The following ACCSL variants were observed in gnomAD, a reference collection of about 807,000 sequenced individuals.
ACCSL encodes 1-aminocyclopropane-1-carboxylate synthase homolog (inactive) like.
In ACCSL, 55 loss-of-function variants were observed where a neutral mutation model predicts 61.7. That is an observed-to-expected ratio of 0.89 (90% CI 0.72 to 1.12). The LOEUF (loss-of-function observed/expected upper bound fraction) is 1.12. Ranked by LOEUF, ACCSL falls within the 50% of genes most tolerant of loss-of-function variation. ACCSL has a pLI of 0.00. For synonymous variants in ACCSL, 258 were observed against 264.3 expected (o/e 0.98, Z 0.23); for missense variants, 632 against 698.0 (o/e 0.91, Z 1.07).
the ACCSL span, among the ~76,000 whole-genome samples, chr11:43,998,727 GATTCATTCATTATTT>G: frequency 1.3e-5 from 2 of 151,278 alleles, no homozygotes; most frequent in Non-Finnish European, 2.9e-5. Flanking sequence ...CTTCTTCATA[GATTCATTCATTATTT>G]ATTCATTCAT....
At chr11:44,004,664 T>C in the ACCSL span, among the ~76,000 whole-genome samples, 1 of 152,150 alleles carries the variant, frequency 6.6e-6, no homozygotes, top group Admixed American at 6.5e-5. Context: ...AGTGGGTAAA[T>C]GACTCCAGGG....
At chr11:43,950,566 C>A in the ACCSL span, among the ~76,000 whole-genome samples, 3 of 152,224 alleles carry the variant, frequency 2.0e-5, no homozygotes, top group Non-Finnish European at 4.4e-5. Flanking sequence ...TGTATACATC[C>A]CAGATTCTCT....
chr11:43,983,107 GC>G, the ACCSL span, among the ~76,000 whole-genome samples: 1 of 152,160 alleles, frequency 6.6e-6, no homozygotes, highest in Admixed American at 6.5e-5. Context: ...ATCTGAGTGA[GC>G]ATCACAGAGC....
the ACCSL span, among the ~76,000 whole-genome samples, chr11:44,008,626 CTG>C: frequency 6.6e-6 from 1 of 152,254 alleles, no homozygotes; most frequent in Non-Finnish European, 1.5e-5. Flanking sequence ...TATATATGAA[CTG>C]TGTCAACCTG....
the ACCSL span, among the ~76,000 whole-genome samples, chr11:43,993,283 G>A: frequency 1.9e-4 from 29 of 152,238 alleles, no homozygotes; most frequent in Non-Finnish European, 2.8e-4. Flanking sequence ...GTAACTCCGT[G>A]CATCCCATGG....
At chr11:43,957,352 T>G in the ACCSL span, among the ~76,000 whole-genome samples, 384 of 147,930 alleles carry the variant, frequency 2.6e-3, 1 homozygote, top group African/African-American at 9.0e-3. Flanking sequence ...GATTCAAAGA[T>G]TTCCTGATTG....
At chr11:44,029,461 C>T in the ACCSL span, among the ~76,000 whole-genome samples, 2 of 152,214 alleles carry the variant, frequency 1.3e-5, no homozygotes, top group African/African-American at 2.4e-5. Context: ...TACCTATGCA[C>T]CTGCAACAGT....
At chr11:43,933,549 G>A in the ACCSL span, 3 of 166,030 alleles carry the variant, frequency 1.8e-5, no homozygotes, top group African/African-American at 7.1e-5. Context: ...GCCAAAAATT[G>A]TGAGGGATTT....
rs1952668635 is a variant in ACCSL, at chr11:44,055,977, T to C, written c.1140-63T>C. ...ACCTCAAATCTACTTTCCCCTCTTA[T>C]ACCCCAAATCTTCATCAACTATTTC... On this transcript the variant is annotated intron_variant, in intron 9 of 13. Transcript: ENST00000378832. 6 of 1,596,604 alleles carry C rather than the reference T, an allele frequency of 3.8e-6. No individual in the cohort carries two copies. The African/African-American group carries it at 5.4e-5, about 14-fold the overall frequency.
At chr11:44,038,259 G>A in the ACCSL span, among the ~76,000 whole-genome samples, 3 of 151,944 alleles carry the variant, frequency 2.0e-5, no homozygotes, top group Non-Finnish European at 2.9e-5. Flanking sequence ...ATGAGGGAGT[G>A]AGCCAAGCAG....
rs1451547271 is a variant in ACCSL at position 44,048,457 on chromosome 11, G to C, written c.421G>C (p.Asp141His). ...VNRDLSIRGI[D>H]ISVFYQSSFQ... ...CCGCGACCTATCCATCCGTGGGATT[G>C]ACATCTCTGTCTTTTATCAGTCGAG... The change falls in exon 1 of 14, where the codon GAC (aspartate) becomes CAC (histidine). Residue 141 changes from aspartate to histidine, a missense_variant. Coordinates refer to ENST00000378832, the MANE Select transcript of ACCSL (RefSeq NM_001031854.2). 13 of 1,613,042 alleles carry C rather than the reference G, an allele frequency of 8.1e-6. No individual in the cohort carries two copies. Among genetic ancestry groups the C allele is most frequent in the African/African-American group, 2.7e-5 (2 of 74,606 alleles).
Position 44,048,556 on chromosome 11 carries a change from G to A in ACCSL, c.504+16G>A, listed in dbSNP as rs1322583178. 6.1e-5 allele frequency: 14 copies of A among 229,732 alleles called. No individual in the cohort carries two copies. Among genetic ancestry groups the A allele is most frequent in the Non-Finnish European group, 1.1e-4 (14 of 133,028 alleles). 14.2% of individuals were successfully genotyped at this position (229,732 alleles called of 1,614,324 possible). On this transcript the variant is annotated intron_variant, in intron 1 of 13. Coordinates refer to ENST00000378832, the MANE Select transcript of ACCSL (RefSeq NM_001031854.2). ...GAACACCTTGGTGAGAATTTGGGGT[G>A]GGGGGTGGGCAGCATCCTCACGGGC... is the stretch of plus-strand genomic sequence containing the variant.
intron 3 of ACCSL, 87 bp from the exon 4 acceptor site, chr11:44,051,248 T>A (rs1565158539): frequency 7.3e-7 from 1 of 1,370,936 alleles, no homozygotes; most frequent in Non-Finnish European, 1.0e-6. Context: ...GTAGAAAAGG[T>A]CCCTGTTAGG....
the ACCSL span, among the ~76,000 whole-genome samples, chr11:44,022,159 G>T: frequency 6.6e-6 from 1 of 152,016 alleles, no homozygotes; most frequent in East Asian, 1.9e-4. Flanking sequence ...GAAGAATGAT[G>T]GTGGTATTTT....
the ACCSL span, among the ~76,000 whole-genome samples, chr11:44,012,060 T>C: frequency 6.6e-6 from 1 of 152,090 alleles, no homozygotes; most frequent in South Asian, 2.1e-4. Context: ...TAGCCTTTTT[T>C]CTGTCCGTCC....
the ACCSL span, among the ~76,000 whole-genome samples, chr11:43,940,548 G>A: frequency 6.6e-5 from 10 of 151,358 alleles, no homozygotes; most frequent in African/African-American, 2.4e-4. Context: ...TTTTAGTAGA[G>A]ACGGGGTTTC....
chr11:44,026,864 G>C, the ACCSL span, among the ~76,000 whole-genome samples: 1 of 152,132 alleles, frequency 6.6e-6, no homozygotes, highest in Non-Finnish European at 1.5e-5. Context: ...CGAGTAGTTG[G>C]AATTACAGGC....
the ACCSL span, among the ~76,000 whole-genome samples, chr11:44,025,864 A>T: frequency 6.6e-6 from 1 of 152,340 alleles, no homozygotes; most frequent in African/African-American, 2.4e-5. Flanking sequence ...TGAATATGTT[A>T]TCCCCATGCC....
the ACCSL span, among the ~76,000 whole-genome samples, chr11:43,937,841 G>A: frequency 3.3e-5 from 5 of 152,290 alleles, no homozygotes; most frequent in South Asian, 2.1e-4. Context: ...TCCTGTAATC[G>A]TTACAGGGGA....
Sources: allele counts gnomAD v4.1 joint callset (sites outside exome capture counted in the v4.1 genomes callset), GRCh38; gene constraint gnomAD v4.1.1; transcripts MANE v1.5; gene names NCBI Gene and HGNC (gene_info 2026-07-23, HGNC 2026-07-21).